Variants in GRIK2 observed in about 807,000 individuals in gnomAD.
GRIK2 encodes the protein glutamate receptor ionotropic, kainate 2.
A neutral mutation model predicts 100.3 loss-of-function variants in GRIK2; 32 were observed. That is an observed-to-expected ratio of 0.32 (90% CI 0.24 to 0.43). The LOEUF is 0.43. Among genes scored for constraint, GRIK2 ranks in the 20% least tolerant of loss-of-function variants. GRIK2 has a pLI of 1.00. For synonymous variants in GRIK2, 417 were observed against 389.4 expected, an observed-to-expected ratio of 1.07 and a Z score of -0.83; for missense variants, 843 against 1,114.9, an observed-to-expected ratio of 0.76 and a Z score of 3.47.
intron 10 of GRIK2, among the ~76,000 whole-genome samples, chr6:101,836,436 C>T (rs73761440): frequency 0.016 from 2,472 of 150,634 alleles, 63 homozygotes; most frequent in African/African-American, 0.057. Context: ...TATTTAAAAA[C>T]GTAAAATATC....
chr6:101,783,110 G>A (rs1201807351), intron 7 of GRIK2, among the ~76,000 whole-genome samples: 3 of 151,794 alleles, frequency 2.0e-5, no homozygotes, highest in Non-Finnish European at 4.4e-5. Flanking sequence ...CACCCGCCTC[G>A]GCCTCTCAAA....
At chr6:102,048,068 C>CA (rs113863121) in intron 15 of GRIK2, among the ~76,000 whole-genome samples, 54,707 of 150,418 alleles carry the variant, frequency 0.36, 10,281 homozygotes, top group Middle Eastern at 0.46. Context: ...TGAACCCACA[C>CA]TGTATGGTCA....
chr6:101,660,337 C>G (rs1171309264), intron 4 of GRIK2, among the ~76,000 whole-genome samples: 1 of 152,020 alleles, frequency 6.6e-6, no homozygotes, highest in Non-Finnish European at 1.5e-5. Context: ...CATTTATGTT[C>G]TTTTCTAAAC....
chr6:102,050,789 AAGGG>A (rs987199496), intron 15 of GRIK2, among the ~76,000 whole-genome samples: 1 of 148,698 alleles, frequency 6.7e-6, no homozygotes, highest in Non-Finnish European at 1.5e-5. Flanking sequence ...TAGAGGGAGA[AAGGG>A]AGGGAGGGAG....
At chr6:101,858,386 C>CTTTTTTTTT (rs780526806) in intron 10 of GRIK2, among the ~76,000 whole-genome samples, 4 of 91,654 alleles carry the variant, frequency 4.4e-5, no homozygotes, top group Non-Finnish European at 9.2e-5. Context: ...ATTTTTTTTT[C>CTTTTTTTTT]TTTTTTTTTT....
At chr6:101,431,760 TA>T (rs1769414598) in intron 2 of GRIK2, among the ~76,000 whole-genome samples, 1 of 152,224 alleles carries the variant, frequency 6.6e-6, no homozygotes, top group African/African-American at 2.4e-5. Flanking sequence ...GGATACTTTA[TA>T]ACTACTGATT....
rs568125446 is a variant in GRIK2, at chr6:101,705,793, A to T, written c.951+19440A>T. ...ATTTTGCACACCAATTAATTTTTCT[A>T]TCAGTTTTGATACTTTAAAATGTTG... On this transcript the variant is annotated intron_variant, in intron 7 of 16. Transcript: ENST00000369134. Among the ~76,000 whole-genome samples the T allele has an allele frequency of 7.9e-5, 12 of 152,044 alleles. No homozygotes were observed. The East Asian group carries it at 2.3e-3, about 30-fold the overall frequency.
rs1358878421 is a variant in GRIK2 at position 101,581,256 on chromosome 6, A to T, written c.116-40693A>T. Among the ~76,000 whole-genome samples the T allele has an allele frequency of 4.0e-5, 6 of 150,830 alleles. No homozygotes were observed. In the South Asian group the frequency reaches 1.3e-3, roughly 32 times the overall value. On this transcript the variant is annotated intron_variant, in intron 2 of 16. Coordinates refer to ENST00000369134, the MANE Select transcript of GRIK2 (RefSeq NM_021956.5). ...CACACATATATGTGTATATATACAC[A>T]TATATCTACACGTGTATACATGTAT...
intron 4 of GRIK2, among the ~76,000 whole-genome samples, chr6:101,643,010 T>A (rs1781354553): frequency 6.6e-6 from 1 of 151,748 alleles, no homozygotes; most frequent in African/African-American, 2.4e-5. Context: ...TTCTTATTGA[T>A]CATTTGAATA....
chr6:102,067,945 T>C (rs1285686080), intron 16 of GRIK2, among the ~76,000 whole-genome samples: 4 of 152,042 alleles, frequency 2.6e-5, no homozygotes, highest in East Asian at 1.9e-4. Context: ...ATCTGAAAAG[T>C]AGTATGATTT....
At chr6:101,980,309 CA>C (rs1187357759) in intron 14 of GRIK2, among the ~76,000 whole-genome samples, 1 of 151,860 alleles carries the variant, frequency 6.6e-6, no homozygotes, top group Non-Finnish European at 1.5e-5. Context: ...TTTACTTATC[CA>C]ACTGCTTTTC....
At chr6:101,777,794 A>G (rs1394891393) in intron 7 of GRIK2, among the ~76,000 whole-genome samples, 1 of 152,132 alleles carries the variant, frequency 6.6e-6, no homozygotes, top group African/African-American at 2.4e-5. Context: ...TCGGATCTCA[A>G]AGGGGACCTG....
intron 13 of GRIK2, among the ~76,000 whole-genome samples, 192 bp downstream of exon 13, chr6:101,924,911 CTT>C (rs924961127): frequency 1.3e-5 from 2 of 152,192 alleles, no homozygotes; most frequent in Non-Finnish European, 2.9e-5. Context: ...AAATAATTAG[CTT>C]TTGCAAATCC....
At chr6:102,025,961 T>G (rs1352363858) in intron 14 of GRIK2, among the ~76,000 whole-genome samples, 1 of 150,772 alleles carries the variant, frequency 6.6e-6, no homozygotes, top group Non-Finnish European at 1.5e-5. Context: ...GCCATGTTGG[T>G]TAAAGCTCCT....
chr6:101,972,300 G>A (rs921756294), intron 14 of GRIK2, among the ~76,000 whole-genome samples: 7 of 151,790 alleles, frequency 4.6e-5, no homozygotes, highest in Admixed American at 1.3e-4. Flanking sequence ...CCGTTCTGAC[G>A]GGTGTGAGAT....
chr6:101,587,373 AATCT>A (rs142011707), intron 2 of GRIK2, among the ~76,000 whole-genome samples: 23,704 of 151,876 alleles, frequency 0.16, 2,222 homozygotes, highest in Middle Eastern at 0.26. Context: ...AGAATCTATC[AATCT>A]ATCTGTCTGT....
chr6:101,616,929 A>G lies in GRIK2; in HGVS notation c.116-5020A>G, dbSNP rs574543291. 2.3e-4 allele frequency among the ~76,000 whole-genome samples: 35 copies of G among 151,722 alleles called. No homozygotes were observed. The South Asian group carries it at 6.0e-3, about 26-fold the overall frequency. ...ACTTATGTTCTTTGCCAGTTTTTCTACTGGAGTTGTGTTTTCAGTAGCTAG... is the reference window on the plus strand; with the variant it reads ...ACTTATGTTCTTTGCCAGTTTTTCTGCTGGAGTTGTGTTTTCAGTAGCTAG... On this transcript the variant is annotated intron_variant, in intron 2 of 16. Coordinates refer to ENST00000369134, the MANE Select transcript of GRIK2 (RefSeq NM_021956.5).
rs1779646038 is a variant in GRIK2 at position 101,789,137 on chromosome 6, T to A, written c.952-10511T>A. 2.0e-5 allele frequency among the ~76,000 whole-genome samples: 3 copies of A among 152,174 alleles called. No individual in the cohort carries two copies. The South Asian group carries it at 6.2e-4, about 32-fold the overall frequency. On this transcript the variant is annotated intron_variant, in intron 7 of 16. Coordinates refer to ENST00000369134, the MANE Select transcript of GRIK2 (RefSeq NM_021956.5). ...TGTCAGATGAGTAGGTTGCGAAAAT[T>A]TTCTCCCATTTTGTAGGTTGCCTGT...
intron 7 of GRIK2, among the ~76,000 whole-genome samples, chr6:101,778,290 A>G (rs1049630030): frequency 3.3e-5 from 5 of 152,202 alleles, no homozygotes; most frequent in African/African-American, 7.2e-5. Flanking sequence ...AAATGAAATC[A>G]ATGGACCATC....
Sources: allele counts gnomAD v4.1 joint callset (sites outside exome capture counted in the v4.1 genomes callset), GRCh38; gene constraint gnomAD v4.1.1; transcripts MANE v1.5; gene names NCBI Gene and HGNC (gene_info 2026-07-23, HGNC 2026-07-21).